The following FSTL4 variants were observed in gnomAD, a reference collection of about 807,000 sequenced individuals.
The protein encoded by FSTL4 is follistatin-related protein 4.
FSTL4 carries 28 observed loss-of-function variants against 78.2 expected under a neutral mutation model. The observed-to-expected ratio is 0.36, with a 90% CI of 0.27 to 0.49. The LOEUF (loss-of-function observed/expected upper bound fraction) is 0.49. Ranked by LOEUF, FSTL4 falls within the 20% of genes least tolerant of loss-of-function variation. The pLI, the probability that FSTL4 is intolerant of heterozygous loss-of-function variation, is 0.98. For synonymous variants in FSTL4, 422 were observed against 440.5 expected (o/e 0.96, Z 0.53); for missense variants, 922 against 1,084.9 (o/e 0.85, Z 2.11).
chr5:133,245,295 C>G (rs921849741), intron 7 of FSTL4, among the ~76,000 whole-genome samples: 1 of 152,100 alleles, frequency 6.6e-6, no homozygotes, highest in African/African-American at 2.4e-5. Flanking sequence ...AGGCTCCCCT[C>G]ACTTCTGGAC....
chr5:133,224,546 G>T, intron 10 of FSTL4: 1 of 243,364 alleles, frequency 4.1e-6, no homozygotes, highest in Non-Finnish European at 7.9e-6. Flanking sequence ...TGGACAACCA[G>T]CAGGAGAAGT....
chr5:133,311,776 G>T (rs1228400882), intron 6 of FSTL4, among the ~76,000 whole-genome samples: 3 of 152,184 alleles, frequency 2.0e-5, no homozygotes, highest in Non-Finnish European at 4.4e-5. Flanking sequence ...TTGCACTTAG[G>T]AACTGTGAGC....
At chr5:133,441,726 C>CAGAGCCCACTGCCGCG (rs1757162627) in intron 3 of FSTL4, among the ~76,000 whole-genome samples, 1 of 152,184 alleles carries the variant, frequency 6.6e-6, no homozygotes. Context: ...ATGTTGCCAC[C>CAGAGCCCACTGCCGCG]AGAGCCCACT....
chr5:133,438,857 C>T (rs745534724), intron 3 of FSTL4, among the ~76,000 whole-genome samples: 1 of 152,112 alleles, frequency 6.6e-6, no homozygotes, highest in Non-Finnish European at 1.5e-5. Flanking sequence ...TGGCTGCAGG[C>T]TAAGAATGGG....
intron 3 of FSTL4, among the ~76,000 whole-genome samples, chr5:133,403,589 G>A (rs748563121): frequency 2.0e-5 from 3 of 152,214 alleles, no homozygotes; most frequent in Non-Finnish European, 4.4e-5. Context: ...GGCTCGGATG[G>A]GGAGGGTGGT....
chr5:133,683,142 T>G, the FSTL4 span, among the ~76,000 whole-genome samples: 1 of 152,144 alleles, frequency 6.6e-6, no homozygotes, highest in Non-Finnish European at 1.5e-5. Context: ...AAGCACAAGG[T>G]GCAGATCGGC....
the FSTL4 span, among the ~76,000 whole-genome samples, chr5:133,758,961 A>C: frequency 6.6e-6 from 1 of 152,232 alleles, no homozygotes; most frequent in Non-Finnish European, 1.5e-5. Flanking sequence ...ACTATTTCAG[A>C]GGATGGAAAC....
chr5:133,788,234 T>G, the FSTL4 span, among the ~76,000 whole-genome samples: 1 of 152,206 alleles, frequency 6.6e-6, no homozygotes, highest in Non-Finnish European at 1.5e-5. Context: ...TGGGAAGTGC[T>G]GCCTCTCCTC....
the FSTL4 span, among the ~76,000 whole-genome samples, chr5:133,805,975 A>T: frequency 6.6e-6 from 1 of 152,194 alleles, no homozygotes; most frequent in Non-Finnish European, 1.5e-5. Flanking sequence ...CCAGTTCACC[A>T]AGTTGCCTGC....
the FSTL4 span, among the ~76,000 whole-genome samples, chr5:133,712,167 T>A: frequency 2.0e-5 from 3 of 152,174 alleles, no homozygotes; most frequent in African/African-American, 4.8e-5. Context: ...TAACTCCCCA[T>A]CACCATGCGA....
chr5:133,276,441 C>T (rs79440349), intron 6 of FSTL4, among the ~76,000 whole-genome samples: 5,064 of 152,272 alleles, frequency 0.033, 136 homozygotes, highest in African/African-American at 0.069. Context: ...CCAGGGAGCC[C>T]TTAGCCTTAT....
At chr5:133,599,640 G>A (rs1173001858) in intron 2 of FSTL4, among the ~76,000 whole-genome samples, 3 of 151,876 alleles carry the variant, frequency 2.0e-5, no homozygotes, top group Admixed American at 6.6e-5. Flanking sequence ...TAAAATGCAT[G>A]AAAGACGTAT....
intron 8 of FSTL4, among the ~76,000 whole-genome samples, chr5:133,233,075 A>G (rs1175120478): frequency 1.3e-5 from 2 of 152,260 alleles, no homozygotes; most frequent in African/African-American, 4.8e-5. Flanking sequence ...CTAGACCCAG[A>G]GGCCACAGCG....
At chr5:133,569,452 T>G (rs1760103012) in intron 2 of FSTL4, among the ~76,000 whole-genome samples, 1 of 152,232 alleles carries the variant, frequency 6.6e-6, no homozygotes, top group Non-Finnish European at 1.5e-5. Flanking sequence ...GTTTTAAAAA[T>G]AAATGTATGT....
the FSTL4 span, among the ~76,000 whole-genome samples, chr5:133,800,049 C>T: frequency 1.4e-5 from 2 of 139,262 alleles, 1 homozygote; most frequent in Non-Finnish European, 3.2e-5. Context: ...ATGCAGTTGT[C>T]ATGGACAACA....
chr5:133,320,946 G>T (rs1754034137), intron 4 of FSTL4, among the ~76,000 whole-genome samples: 1 of 147,884 alleles, frequency 6.8e-6, no homozygotes, highest in Non-Finnish European at 1.5e-5. Context: ...GGCACAGCTT[G>T]CAGTGAGCCG....
chr5:133,812,258 C>T, the FSTL4 span, among the ~76,000 whole-genome samples: 2,987 of 152,338 alleles, frequency 0.02, 106 homozygotes, highest in African/African-American at 0.067. Context: ...TGCTTCCAGA[C>T]TTGCACCTCT....
At chr5:133,677,439 C>T in the FSTL4 span, among the ~76,000 whole-genome samples, 1 of 152,214 alleles carries the variant, frequency 6.6e-6, no homozygotes, top group East Asian at 1.9e-4. Flanking sequence ...GAGGTCTCTA[C>T]TGCACTTTGC....
chr5:133,465,941 T>C (rs1199265902), intron 3 of FSTL4, among the ~76,000 whole-genome samples: 2 of 152,212 alleles, frequency 1.3e-5, no homozygotes, highest in African/African-American at 2.4e-5. Context: ...CTAATCCCTA[T>C]GCCAACAAGC....
Sources: gnomAD v4.1 joint callset for allele counts (sites outside exome capture counted in the v4.1 genomes callset) on GRCh38, gnomAD v4.1.1 for gene constraint, MANE v1.5 for transcripts, NCBI Gene and HGNC (gene_info 2026-07-23, HGNC 2026-07-21) for gene names.